Variants in CCDC77 observed in about 807,000 individuals in gnomAD.
The protein encoded by CCDC77 is coiled-coil domain containing 77.
In CCDC77, 56 loss-of-function variants were observed where a neutral mutation model predicts 66.8. The ratio of observed to expected loss-of-function variants is 0.84; its 90% confidence interval spans 0.68 to 1.05. The LOEUF is 1.05. Ranked by LOEUF, CCDC77 falls within the 50% of genes least tolerant of loss-of-function variation. The probability of loss-of-function intolerance (pLI) is 0.00; values close to 1 mark genes in which losing one functional copy is unlikely to be tolerated. For synonymous variants in CCDC77, 196 were observed against 195.2 expected, an observed-to-expected ratio of 1.00 and a Z score of -0.03; for missense variants, 570 against 576.8, an observed-to-expected ratio of 0.99 and a Z score of 0.12.
intron 1 of CCDC77, among the ~76,000 whole-genome samples, chr12:393,026 C>T (rs927287135): frequency 3.8e-5 from 5 of 131,836 alleles, no homozygotes; most frequent in Admixed American, 8.0e-5. Context: ...TTCTCCAACC[C>T]GTTACAATAT....
chr12:437,999 C>T (rs1219992921), intron 9 of CCDC77, among the ~76,000 whole-genome samples: 1 of 152,096 alleles, frequency 6.6e-6, no homozygotes, highest in Non-Finnish European at 1.5e-5. Flanking sequence ...TGATTTAGTT[C>T]TTCCTTGTCT....
chr12:393,436 C>T (rs1381340688), intron 1 of CCDC77, among the ~76,000 whole-genome samples: 1 of 151,906 alleles, frequency 6.6e-6, no homozygotes, highest in African/African-American at 2.4e-5. Flanking sequence ...TAATAACCTT[C>T]TCAGATGACT....
At chr12:435,070 C>T (rs1945724479) in intron 9 of CCDC77, among the ~76,000 whole-genome samples, 1 of 118,034 alleles carries the variant, frequency 8.5e-6, no homozygotes, top group African/African-American at 3.0e-5. Flanking sequence ...TTCATGGTAT[C>T]ACATGTATTC....
intron 5 of CCDC77, among the ~76,000 whole-genome samples, chr12:426,600 C>T (rs1285024793): frequency 6.6e-6 from 1 of 152,134 alleles, no homozygotes; most frequent in Non-Finnish European, 1.5e-5. Flanking sequence ...GAGGTACTGT[C>T]CCCCACCTAG....
chr12:438,070 T>C (rs1029494503), intron 9 of CCDC77, among the ~76,000 whole-genome samples: 9 of 152,308 alleles, frequency 5.9e-5, no homozygotes, highest in Admixed American at 3.9e-4. Flanking sequence ...GTAGTCCTTC[T>C]AATCATATAA....
chr12:405,495 T>C lies in CCDC77; in HGVS notation c.-70-16T>C, dbSNP rs1944974926. The C allele has an allele frequency of 6.6e-6, 1 of 152,212 alleles. No individual in the cohort carries two copies. The highest frequency in any genetic ancestry group is 1.9e-4 in the East Asian group (1 of 5,202). The allele number at this position is 152,212 out of a possible 1,614,324, so 9.4% of individuals were successfully genotyped here. On this transcript the variant is annotated splice_polypyrimidine_tract_variant and intron_variant, in intron 1 of 12. Transcript: ENST00000239830. ...CCATAATCCTTCCATGCCAATCCAATAACTTTATTTTCTAGGTTATTTGGA... is the reference window on the plus strand; with the variant it reads ...CCATAATCCTTCCATGCCAATCCAACAACTTTATTTTCTAGGTTATTTGGA...
chr12:404,447 C>T (rs76559034), intron 1 of CCDC77, among the ~76,000 whole-genome samples: 1,639 of 152,296 alleles, frequency 0.011, 15 homozygotes, highest in Middle Eastern at 0.027. Context: ...TGTCTGCTGA[C>T]CAATAAGAGC....
chr12:415,650 T>G (rs1440894337), intron 4 of CCDC77, among the ~76,000 whole-genome samples: 1 of 151,752 alleles, frequency 6.6e-6, no homozygotes, highest in Non-Finnish European at 1.5e-5. Context: ...TTTTGTTTTT[T>G]GAGTTAGGGT....
intron 4 of CCDC77, among the ~76,000 whole-genome samples, chr12:412,553 C>T (rs1032309476): frequency 2.0e-5 from 3 of 152,178 alleles, no homozygotes; most frequent in Admixed American, 2.0e-4. Flanking sequence ...TTAGCAGGAT[C>T]CCTGGCCTCT....
In CCDC77 at chr12:409,383, C is replaced by T. The variant is rs752997950; in HGVS notation, c.-1C>T. The T allele has an allele frequency of 1.2e-6, 2 of 1,612,824 alleles. No homozygotes were observed. The highest frequency in any genetic ancestry group is 2.2e-5 in the South Asian group (2 of 91,052). ...TATTTGATAGGTGTGAAAAAGACAGCATGAACTTTACCCCAACACACACCC... is the reference window on the plus strand; with the variant it reads ...TATTTGATAGGTGTGAAAAAGACAGTATGAACTTTACCCCAACACACACCC... On this transcript the variant is annotated 5_prime_UTR_variant, in exon 3 of 13. Coordinates refer to ENST00000239830, the MANE Select transcript of CCDC77 (RefSeq NM_032358.4).
intron 1 of CCDC77, among the ~76,000 whole-genome samples, chr12:402,257 C>T (rs565893237): frequency 3.9e-5 from 6 of 152,168 alleles, no homozygotes; most frequent in Admixed American, 3.3e-4. Flanking sequence ...GAGTAAGACG[C>T]GATTTCTGTC....
intron 3 of CCDC77, 127 bp downstream of exon 3, chr12:409,548 C>A: frequency 4.8e-6 from 4 of 838,450 alleles, no homozygotes; most frequent in Non-Finnish European, 7.7e-6. Context: ...GACAGAGTTT[C>A]ACTCTGTGCC....
At chr12:413,465 G>A (rs538864227) in intron 4 of CCDC77, among the ~76,000 whole-genome samples, 7 of 148,568 alleles carry the variant, frequency 4.7e-5, no homozygotes, top group East Asian at 2.0e-4. Context: ...GGTCTCGATC[G>A]CCTGACCTCG....
At chr12:436,569 G>C (rs1168681129) in intron 9 of CCDC77, 1 of 157,694 alleles carries the variant, frequency 6.3e-6, no homozygotes, top group African/African-American at 2.4e-5. Context: ...CATTTGGCCA[G>C]TATTTCTCCA....
upstream of CCDC77, among the ~76,000 whole-genome samples, chr12:401,186 T>C (rs1277563940): frequency 1.3e-5 from 2 of 152,202 alleles, no homozygotes; most frequent in Admixed American, 1.3e-4. Context: ...CCCCTGACCG[T>C]AGAAACTGAA....
upstream of CCDC77, among the ~76,000 whole-genome samples, chr12:398,406 T>A (rs999627526): frequency 6.6e-6 from 1 of 151,902 alleles, no homozygotes; most frequent in Non-Finnish European, 1.5e-5. Flanking sequence ...AGTTTCATCA[T>A]GAGATTGCAG....
At chr12:440,205 C>T (rs557647327) in intron 10 of CCDC77, among the ~76,000 whole-genome samples, 8 of 152,306 alleles carry the variant, frequency 5.3e-5, no homozygotes, top group African/African-American at 1.9e-4. Flanking sequence ...AAATAAGTAA[C>T]ATGATCTGAT....
intron 1 of CCDC77, among the ~76,000 whole-genome samples, chr12:389,689 G>GT (rs1194510615): frequency 6.8e-6 from 1 of 147,402 alleles, no homozygotes; most frequent in African/African-American, 2.5e-5. Context: ...TCCCTTTTGT[G>GT]TATCAGTGCA....
chr12:393,279 TA>T (rs1275934928), intron 1 of CCDC77, among the ~76,000 whole-genome samples: 3 of 151,910 alleles, frequency 2.0e-5, no homozygotes, highest in African/African-American at 7.3e-5. Context: ...CCCAGCTAAT[TA>T]AAAAAAATTT....
Sources: gnomAD v4.1 joint callset for allele counts (sites outside exome capture counted in the v4.1 genomes callset) on GRCh38, gnomAD v4.1.1 for gene constraint, MANE v1.5 for transcripts, NCBI Gene and HGNC (gene_info 2026-07-23, HGNC 2026-07-21) for gene names.